Variants in OPCML observed in about 807,000 individuals in gnomAD.
OPCML encodes opioid binding protein/cell adhesion molecule like, also known as opioid-binding protein/cell adhesion molecule.
Under a neutral mutation model 37.8 loss-of-function variants are expected in OPCML, and 13 were observed. That is an observed-to-expected ratio of 0.34 (90% CI 0.22 to 0.55). The LOEUF is 0.55. Among genes scored for constraint, OPCML ranks in the 20% least tolerant of loss-of-function variants. OPCML has a pLI of 0.91. For synonymous variants in OPCML, 176 were observed against 168.8 expected, an observed-to-expected ratio of 1.04 and a Z score of -0.33; for missense variants, 341 against 435.6, an observed-to-expected ratio of 0.78 and a Z score of 1.93.
chr11:132,880,399 T>G, intron 2 of OPCML, among the ~76,000 whole-genome samples: 1 of 152,186 alleles, frequency 6.6e-6, no homozygotes, highest in Non-Finnish European at 1.5e-5. Context: ...TAATTCAGTA[T>G]TTTATTTTCC....
chr11:133,222,832 A>G (rs539395372), intron 1 of OPCML, among the ~76,000 whole-genome samples: 1 of 152,298 alleles, frequency 6.6e-6, no homozygotes, highest in African/African-American at 2.4e-5. Context: ...CCGGGGACTA[A>G]GAGCCCTGTC....
chr11:132,996,872 C>T (rs1333289703), intron 1 of OPCML, among the ~76,000 whole-genome samples: 1 of 152,164 alleles, frequency 6.6e-6, no homozygotes, highest in African/African-American at 2.4e-5. Flanking sequence ...CATCATTTAT[C>T]GCTCAGTGAC....
At chr11:132,651,513 C>A (rs922239010) in intron 3 of OPCML, among the ~76,000 whole-genome samples, 1 of 152,162 alleles carries the variant, frequency 6.6e-6, no homozygotes, top group African/African-American at 2.4e-5. Context: ...GCTGCATCAG[C>A]GTTGGGTAAG....
At chr11:133,070,234 A>G (rs1361719080) in intron 1 of OPCML, among the ~76,000 whole-genome samples, 1 of 152,202 alleles carries the variant, frequency 6.6e-6, no homozygotes, top group Non-Finnish European at 1.5e-5. Context: ...GGCAGAGTTT[A>G]TTAGCATAAA....
intron 1 of OPCML, among the ~76,000 whole-genome samples, chr11:133,340,814 T>G (rs1943853346): frequency 6.6e-6 from 1 of 152,114 alleles, no homozygotes; most frequent in Admixed American, 6.6e-5. Flanking sequence ...AGCACCTGTT[T>G]CTGTGACGAA....
At chr11:132,547,436 G>T (rs1241880022) in intron 3 of OPCML, among the ~76,000 whole-genome samples, 1 of 152,154 alleles carries the variant, frequency 6.6e-6, no homozygotes, top group Non-Finnish European at 1.5e-5. Context: ...TGGAGCTTTA[G>T]GCAAGTTAAA....
intron 3 of OPCML, among the ~76,000 whole-genome samples, chr11:132,648,457 C>G (rs541235235): frequency 6.6e-6 from 1 of 151,802 alleles, no homozygotes; most frequent in African/African-American, 2.4e-5. Flanking sequence ...ACGACTGTTC[C>G]GTTTATTTAA....
At chr11:133,121,440 C>CTGAT (rs2137115919) in intron 1 of OPCML, among the ~76,000 whole-genome samples, 2 of 152,266 alleles carry the variant, frequency 1.3e-5, no homozygotes, top group African/African-American at 4.8e-5. Context: ...TCGGAATGTC[C>CTGAT]TGATACACTT....
Position 133,348,740 on chromosome 11 carries a change from G to T in OPCML, c.61+183524C>A, listed in dbSNP as rs76005817. On this transcript the variant is annotated intron_variant, in intron 1 of 7. Transcript: ENST00000524381. ...CAAATTCATTTAAGTTAGTATAAAG[G>T]CCGTGATACAAGAGAATGATAAGTC... Among the ~76,000 whole-genome samples the T allele has an allele frequency of 9.5e-3, 1,441 of 152,278 alleles. 22 individuals are homozygous for T. Among genetic ancestry groups the T allele is most frequent in the African/African-American group, 0.032 (1,348 of 41,550 alleles).
chr11:132,854,790 T>C (rs188356853), intron 2 of OPCML, among the ~76,000 whole-genome samples: 24 of 152,350 alleles, frequency 1.6e-4, no homozygotes, highest in Admixed American at 5.9e-4. Context: ...AATGCCACTA[T>C]GAACAATTGC....
intron 2 of OPCML, among the ~76,000 whole-genome samples, chr11:132,825,928 G>C (rs1940297747): frequency 6.6e-6 from 1 of 152,150 alleles, no homozygotes; most frequent in Non-Finnish European, 1.5e-5. Flanking sequence ...TTGTTTGTTT[G>C]CTTGTGTTTT....
chr11:132,604,651 G>C (rs1339509505), intron 3 of OPCML, among the ~76,000 whole-genome samples: 1 of 152,160 alleles, frequency 6.6e-6, no homozygotes, highest in African/African-American at 2.4e-5. Flanking sequence ...TGACTTTCTT[G>C]TTTTGTTTGA....
intron 1 of OPCML, among the ~76,000 whole-genome samples, chr11:133,332,192 A>G (rs1943634522): frequency 6.6e-6 from 1 of 152,156 alleles, no homozygotes; most frequent in African/African-American, 2.4e-5. Flanking sequence ...GTGTGTGGCA[A>G]TTGTGAATGA....
chr11:133,151,542 T>C (rs1294508153), intron 1 of OPCML, among the ~76,000 whole-genome samples: 4 of 152,128 alleles, frequency 2.6e-5, no homozygotes, highest in Admixed American at 2.6e-4. Flanking sequence ...AGAGCTTTGG[T>C]ATATAAATTT....
At chr11:132,598,363 A>G (rs546688107) in intron 3 of OPCML, among the ~76,000 whole-genome samples, 17 of 152,330 alleles carry the variant, frequency 1.1e-4, no homozygotes, top group African/African-American at 3.6e-4. Flanking sequence ...TACCTGGAAC[A>G]TAGTAGACAC....
chr11:132,888,044 C>T (rs1249992555), intron 2 of OPCML, among the ~76,000 whole-genome samples: 1 of 152,176 alleles, frequency 6.6e-6, no homozygotes, highest in East Asian at 1.9e-4. Flanking sequence ...GAGGGGCATG[C>T]GGCCTTTGGA....
chr11:132,528,469 CT>C (rs2096314651), intron 4 of OPCML, among the ~76,000 whole-genome samples: 2 of 152,346 alleles, frequency 1.3e-5, no homozygotes, highest in South Asian at 4.1e-4. Flanking sequence ...CACTGTCCTT[CT>C]GGTTCCCTTG....
intron 1 of OPCML, among the ~76,000 whole-genome samples, chr11:133,460,108 C>G (rs1946825479): frequency 6.6e-6 from 1 of 151,788 alleles, no homozygotes; most frequent in South Asian, 2.1e-4. Flanking sequence ...CATCAACATA[C>G]CTTTAAACAA....
At chr11:132,714,482 G>A (rs1187125487) in intron 2 of OPCML, among the ~76,000 whole-genome samples, 4 of 152,296 alleles carry the variant, frequency 2.6e-5, no homozygotes, top group African/African-American at 4.8e-5. Flanking sequence ...ATTCAAGGAC[G>A]GAGTGAGGAA....
Sources: gnomAD v4.1 joint callset for allele counts (sites outside exome capture counted in the v4.1 genomes callset) on GRCh38, gnomAD v4.1.1 for gene constraint, MANE v1.5 for transcripts, NCBI Gene and HGNC (gene_info 2026-07-23, HGNC 2026-07-21) for gene names.